The following DYNC2H1 variants were observed in gnomAD, a reference collection of about 807,000 sequenced individuals.
DYNC2H1 encodes the protein dynein cytoplasmic 2 heavy chain 1.
DYNC2H1 carries 410 observed loss-of-function variants against 570.0 expected under a neutral mutation model. That is an observed-to-expected ratio of 0.72 (90% CI 0.66 to 0.78). The LOEUF (loss-of-function observed/expected upper bound fraction) is 0.78, where lower values mean the gene tolerates loss of function less well. Among genes scored for constraint, DYNC2H1 ranks in the 30% least tolerant of loss-of-function variants. The pLI is 0.00. For synonymous variants in DYNC2H1, 1,688 were observed against 1,677.6 expected (o/e 1.01, Z -0.15); for missense variants, 4,865 against 5,046.4 (o/e 0.96, Z 1.09).
At chr11:103,215,617 A>G in intron 54 of DYNC2H1, 104 bp from the exon 55 acceptor site, 1 of 1,173,780 alleles carries the variant, frequency 8.5e-7, no homozygotes, top group Non-Finnish European at 1.1e-6. Context: ...TTTTGTATAT[A>G]CACACTTAAC....
chr11:103,247,563 G>T (rs1254058301), intron 65 of DYNC2H1, among the ~76,000 whole-genome samples: 1 of 152,046 alleles, frequency 6.6e-6, no homozygotes, highest in African/African-American at 2.4e-5. Context: ...GTCACAGCTG[G>T]AGTGGAGGGC....
intron 28 of DYNC2H1, 43 bp downstream of exon 28, chr11:103,159,070 A>C (rs1860968958): frequency 2.7e-6 from 4 of 1,489,560 alleles, no homozygotes; most frequent in Non-Finnish European, 3.7e-6. Flanking sequence ...TTGAGTTTCA[A>C]CTGTCTGCCA....
intron 73 of DYNC2H1, among the ~76,000 whole-genome samples, chr11:103,284,465 A>G (rs918076107): frequency 1.3e-5 from 2 of 152,192 alleles, no homozygotes; most frequent in Non-Finnish European, 2.9e-5. Flanking sequence ...TAGAGAGCAT[A>G]TCAAATAATT....
intron 75 of DYNC2H1, among the ~76,000 whole-genome samples, chr11:103,298,154 T>TATCTC (rs1380394637): frequency 1.3e-5 from 2 of 152,144 alleles, no homozygotes; most frequent in Non-Finnish European, 2.9e-5. Context: ...CCTCAGATCT[T>TATCTC]ATCTCCTAAC....
At chr11:103,271,580 G>C (rs2135308702) in intron 70 of DYNC2H1, among the ~76,000 whole-genome samples, 1 of 152,190 alleles carries the variant, frequency 6.6e-6, no homozygotes, top group East Asian at 1.9e-4. Context: ...GAGGATCATG[G>C]GGTTTATGGA....
rs1861188765 is a variant in DYNC2H1, at chr11:103,163,700, A to C, written c.4611+553A>C. Among the ~76,000 whole-genome samples, 1 of 152,160 alleles carries C rather than the reference A, an allele frequency of 6.6e-6. No homozygotes were observed. The highest frequency in any genetic ancestry group is 2.4e-5 in the African/African-American group (1 of 41,434). On this transcript the variant is annotated intron_variant, in intron 30 of 88. Coordinates refer to ENST00000375735, the MANE Select transcript of DYNC2H1 (RefSeq NM_001377.3). The surrounding 1 kb of genome is among the most constrained non-coding windows in gnomAD (Gnocchi z 4.6). ...CAGTCTATATCAAAATGTAGCACTA[A>C]GACTTGTGTTAAACATCCTGCGTTG...
chr11:103,342,527 G>A (rs1939512475), intron 82 of DYNC2H1, among the ~76,000 whole-genome samples: 1 of 144,002 alleles, frequency 6.9e-6, no homozygotes, highest in Non-Finnish European at 1.5e-5. Flanking sequence ...TTTTGAGATG[G>A]GGGCTCGCTC....
chr11:103,186,347 GA>G lies in DYNC2H1; in HGVS notation c.6741del (p.Asp2248ThrfsTer2), dbSNP rs1427360785. The G allele has an allele frequency of 6.2e-7, 1 of 1,612,740 alleles. No individual in the cohort carries two copies. The highest frequency in any genetic ancestry group is 1.3e-5 in the African/African-American group (1 of 74,842). On this transcript the variant is annotated frameshift_variant, in exon 42 of 89. Transcript: ENST00000375735. LOFTEE classifies it high-confidence loss of function. The surrounding 1 kb of genome is among the most constrained non-coding windows in gnomAD (Gnocchi z 4.5). The part of the protein sequence containing the change: ...RLATYVLKKP[E>X]DLTADDFSNG... ...AGCAACATATGTGCTTAAGAAGCCAGAAGACTTGACTGCTGATGATTTCAGT... is the reference window on the plus strand; with the variant it reads ...AGCAACATATGTGCTTAAGAAGCCAGAGACTTGACTGCTGATGATTTCAGT...
chr11:103,352,283 C>T (rs1449317337), intron 82 of DYNC2H1, among the ~76,000 whole-genome samples: 1 of 151,824 alleles, frequency 6.6e-6, no homozygotes, highest in African/African-American at 2.4e-5. Flanking sequence ...TTATATATAG[C>T]TTTCATCTAT....
intron 70 of DYNC2H1, among the ~76,000 whole-genome samples, chr11:103,276,008 A>C (rs1865891805): frequency 6.6e-6 from 1 of 152,196 alleles, no homozygotes; most frequent in African/African-American, 2.4e-5. Context: ...TCTGTTGCTC[A>C]ACATCCTTAC....
At chr11:103,392,120 G>A (rs550491136) in intron 83 of DYNC2H1, among the ~76,000 whole-genome samples, 4 of 152,360 alleles carry the variant, frequency 2.6e-5, no homozygotes, top group Middle Eastern at 3.4e-3. Flanking sequence ...GAGGCAGGCA[G>A]CCCTCCTTGA....
intron 74 of DYNC2H1, 21 bp from the exon 75 acceptor site, chr11:103,287,511 AT>A: frequency 6.3e-7 from 1 of 1,584,910 alleles, no homozygotes; most frequent in Non-Finnish European, 8.6e-7. Flanking sequence ...TTCTTTAAAA[AT>A]ATTCTGCATT....
intron 28 of DYNC2H1, among the ~76,000 whole-genome samples, chr11:103,160,327 G>C (rs950391162): frequency 2.0e-5 from 3 of 152,008 alleles, no homozygotes; most frequent in Admixed American, 6.6e-5. Flanking sequence ...ACCTGTTCAT[G>C]GGCATTTGGG....
intron 82 of DYNC2H1, among the ~76,000 whole-genome samples, chr11:103,349,211 G>T (rs1008504050): frequency 6.6e-6 from 1 of 152,086 alleles, no homozygotes; most frequent in African/African-American, 2.4e-5. Context: ...GGAATGGCTA[G>T]ATTATATGAC....
intron 83 of DYNC2H1, among the ~76,000 whole-genome samples, chr11:103,392,371 G>A (rs189960582): frequency 6.6e-6 from 1 of 152,336 alleles, no homozygotes; most frequent in East Asian, 1.9e-4. Context: ...GGTTGGGAGT[G>A]ACCTGACTTT....
At chr11:103,407,377 T>C (rs997529438) in intron 84 of DYNC2H1, 1 of 145,712 alleles carries the variant, frequency 6.9e-6, no homozygotes, top group Non-Finnish European at 1.5e-5. Flanking sequence ...ATTCCTATAG[T>C]TCTAGAAATA....
intron 70 of DYNC2H1, among the ~76,000 whole-genome samples, chr11:103,265,457 T>G (rs181078551): frequency 2.6e-5 from 4 of 152,364 alleles, no homozygotes; most frequent in Admixed American, 1.3e-4. Context: ...CTTAATAATT[T>G]AGATTCCTTA....
chr11:103,135,436 A>G (rs1444365386), intron 15 of DYNC2H1, 59 bp from the exon 16 acceptor site: 16 of 1,369,632 alleles, frequency 1.2e-5, no homozygotes, highest in Admixed American at 1.0e-4. Flanking sequence ...AAAGTATTAA[A>G]TGAAAAATCC....
At chr11:103,396,365 A>G (rs1053580218) in intron 83 of DYNC2H1, among the ~76,000 whole-genome samples, 4 of 152,176 alleles carry the variant, frequency 2.6e-5, no homozygotes, top group African/African-American at 7.2e-5. Flanking sequence ...CTATTTGTTT[A>G]TATTGTCTGT....
Sources: allele counts gnomAD v4.1 joint callset (sites outside exome capture counted in the v4.1 genomes callset), GRCh38; gene constraint gnomAD v4.1.1; non-coding constraint Gnocchi (gnomAD v3.1); transcripts MANE v1.5; gene names NCBI Gene and HGNC (gene_info 2026-07-23, HGNC 2026-07-21).